Variants in PRELID2 observed in about 807,000 individuals in gnomAD.
The protein encoded by PRELID2 is PRELI domain-containing protein 2.
Under a neutral mutation model 28.4 loss-of-function variants are expected in PRELID2, and 25 were observed. The observed-to-expected ratio is 0.88, with a 90% CI of 0.64 to 1.23. The LOEUF is 1.23. PRELID2 is among the 50% of genes most tolerant of loss of function. The pLI is 0.00. For missense variants in PRELID2, 201 were observed against 214.4 expected, an observed-to-expected ratio of 0.94 and a Z score of 0.39; for synonymous variants, 76 against 71.6, an observed-to-expected ratio of 1.06 and a Z score of -0.31.
chr5:145,816,996 C>T (rs4334932), intron 4 of PRELID2, among the ~76,000 whole-genome samples: 1 of 149,818 alleles, frequency 6.7e-6, no homozygotes, highest in South Asian at 2.1e-4. Context: ...CCCGTATCTA[C>T]GAAACAAATT....
chr5:145,337,700 T>G, the PRELID2 span, among the ~76,000 whole-genome samples: 15 of 29,914 alleles, frequency 5.0e-4, no homozygotes, highest in African/African-American at 2.0e-3. Flanking sequence ...TATATATATA[T>G]ATATATATAT....
chr5:145,629,783 C>T (rs1043656879), intron 1 of PRELID2, among the ~76,000 whole-genome samples: 2 of 146,824 alleles, frequency 1.4e-5, no homozygotes, highest in Non-Finnish European at 2.9e-5. Flanking sequence ...CCATCTTGCA[C>T]CATCCTTTTA....
chr5:145,600,178 T>A (rs1270307319), intron 1 of PRELID2, among the ~76,000 whole-genome samples: 7 of 146,848 alleles, frequency 4.8e-5, no homozygotes, highest in Admixed American at 4.7e-4. Context: ...CAATAATTCT[T>A]ATTTTTATCA....
the PRELID2 span, among the ~76,000 whole-genome samples, chr5:145,369,273 A>T: frequency 6.6e-6 from 1 of 151,680 alleles, no homozygotes; most frequent in African/African-American, 2.4e-5. Flanking sequence ...TCCCTTCCCT[A>T]GCCCCTCAAC....
intron 5 of PRELID2, among the ~76,000 whole-genome samples, chr5:145,770,856 A>G (rs931234449): frequency 6.6e-6 from 1 of 152,264 alleles, no homozygotes; most frequent in Non-Finnish European, 1.5e-5. Flanking sequence ...GGTTATAACA[A>G]AATAGTCAAA....
intron 1 of PRELID2, among the ~76,000 whole-genome samples, chr5:145,515,926 G>C (rs1266769351): frequency 6.6e-6 from 1 of 152,120 alleles, no homozygotes; most frequent in African/African-American, 2.4e-5. Context: ...AAAGGCCTTT[G>C]ACAAAATTCA....
chr5:145,596,099 C>CAAAAAA (rs552746530), intron 1 of PRELID2, among the ~76,000 whole-genome samples: 1,382 of 43,858 alleles, frequency 0.032, 139 homozygotes, highest in African/African-American at 0.12. Flanking sequence ...GAGCCTGTCT[C>CAAAAAA]AAAAAAAAAA....
At chr5:145,365,285 A>G in the PRELID2 span, among the ~76,000 whole-genome samples, 1 of 151,986 alleles carries the variant, frequency 6.6e-6, no homozygotes, top group Non-Finnish European at 1.5e-5. Context: ...TTCACCACAA[A>G]AAAGATAAGT....
the PRELID2 span, among the ~76,000 whole-genome samples, chr5:145,277,823 G>T: frequency 1.3e-5 from 2 of 152,258 alleles, no homozygotes; most frequent in South Asian, 4.1e-4. Flanking sequence ...AGTTTCCCTT[G>T]GGGTCAGCAG....
chr5:145,326,215 A>C, the PRELID2 span, among the ~76,000 whole-genome samples: 4 of 152,114 alleles, frequency 2.6e-5, no homozygotes, highest in Admixed American at 6.6e-5. Flanking sequence ...TATGTTGCCC[A>C]GGCTGGTCTC....
intron 1 of PRELID2, among the ~76,000 whole-genome samples, chr5:145,641,361 G>A (rs554901487): frequency 6.6e-6 from 1 of 152,098 alleles, no homozygotes; most frequent in East Asian, 1.9e-4. Context: ...AAATCTAAAT[G>A]GCCATTAATA....
chr5:145,436,296 T>A, the PRELID2 span, among the ~76,000 whole-genome samples: 2 of 152,212 alleles, frequency 1.3e-5, no homozygotes, highest in African/African-American at 4.8e-5. Flanking sequence ...TAATATTCAA[T>A]GTATACAGGT....
intron 1 of PRELID2, among the ~76,000 whole-genome samples, chr5:145,522,536 C>A (rs1035958990): frequency 1.3e-5 from 2 of 152,116 alleles, no homozygotes; most frequent in African/African-American, 4.8e-5. Context: ...TATGAATATA[C>A]TTTCTTTTTC....
At chr5:145,538,999 A>G (rs1752723951) in intron 1 of PRELID2, among the ~76,000 whole-genome samples, 1 of 151,924 alleles carries the variant, frequency 6.6e-6, no homozygotes, top group South Asian at 2.1e-4. Flanking sequence ...CAGGTAAGAG[A>G]GCCAAATAGC....
chr5:145,604,424 T>C (rs1306016428), intron 1 of PRELID2, among the ~76,000 whole-genome samples: 1 of 152,192 alleles, frequency 6.6e-6, no homozygotes, highest in Non-Finnish European at 1.5e-5. Context: ...TTCTTTCTTA[T>C]GGCTGTGTAG....
At chr5:145,376,648 C>A in the PRELID2 span, among the ~76,000 whole-genome samples, 1 of 152,092 alleles carries the variant, frequency 6.6e-6, no homozygotes, top group African/African-American at 2.4e-5. Flanking sequence ...GCAATTTATC[C>A]ATTTCTTCTA....
chr5:145,549,972 C>G (rs1168367157), intron 1 of PRELID2, among the ~76,000 whole-genome samples: 1 of 152,070 alleles, frequency 6.6e-6, no homozygotes, highest in Non-Finnish European at 1.5e-5. Context: ...GTTGGAAAGT[C>G]CTGCCACAAG....
intron 1 of PRELID2, among the ~76,000 whole-genome samples, chr5:145,486,731 A>G (rs368248979): frequency 7.2e-5 from 11 of 152,272 alleles, no homozygotes; most frequent in African/African-American, 1.9e-4. Flanking sequence ...TCATAGTGGT[A>G]GTTTCTACCA....
At chr5:145,706,128 G>A (rs1280896221) in intron 1 of PRELID2, among the ~76,000 whole-genome samples, 1 of 152,146 alleles carries the variant, frequency 6.6e-6, no homozygotes, top group Non-Finnish European at 1.5e-5. Flanking sequence ...AAGTCATAAA[G>A]TGTAGATGAA....
Sources: allele counts gnomAD v4.1 joint callset (sites outside exome capture counted in the v4.1 genomes callset), GRCh38; gene constraint gnomAD v4.1.1; transcripts MANE v1.5; gene names NCBI Gene and HGNC (gene_info 2026-07-23, HGNC 2026-07-21).